SOX5: variants seen among roughly 807,000 people sequenced by gnomAD.
The protein encoded by SOX5 is SRY-box transcription factor 5.
SOX5 carries 9 observed loss-of-function variants against 92.0 expected under a neutral mutation model. The ratio of observed to expected loss-of-function variants is 0.10; its 90% CI spans 0.06 to 0.17. The LOEUF (loss-of-function observed/expected upper bound fraction) is 0.17, where lower values mean the gene tolerates loss of function less well. SOX5 is among the 10% of genes least tolerant of loss of function. The pLI is 1.00. For missense variants in SOX5, 642 were observed against 944.5 expected (o/e 0.68, Z 4.20); for synonymous variants, 344 against 336.3 (o/e 1.02, Z -0.25).
At chr12:23,741,521 C>G in intron 4 of SOX5, among the ~76,000 whole-genome samples, 1 of 151,976 alleles carries the variant, frequency 6.6e-6, no homozygotes. Flanking sequence ...ACACAAAAAA[C>G]TAATAGCCAG....
rs114562450 is a variant in SOX5 at position 24,313,569 on chromosome 12, T to G, written c.-173-36257A>C. On this transcript the variant is annotated intron_variant, in intron 2 of 4. Transcript: ENST00000446891. ...AAAAGTTGCTGCTTCTTCCTCAGTG[T>G]TCTGGCAGGACTTTGTTCAAGGTCT... is the stretch of plus-strand genomic sequence containing the variant. Among the ~76,000 whole-genome samples, 194 of 152,288 alleles carry G rather than the reference T, an allele frequency of 1.3e-3. 1 individual carries two copies. The highest frequency in any genetic ancestry group is 4.6e-3 in the African/African-American group (190 of 41,558).
chr12:23,562,394 C>T lies in SOX5; in HGVS notation c.1488+864G>A, dbSNP rs1428967509. Among the ~76,000 whole-genome samples, 3 of 152,158 alleles carry T rather than the reference C, an allele frequency of 2.0e-5. No homozygotes were observed. The East Asian group carries it at 5.8e-4, about 29-fold the overall frequency. ...AAACCTTGGAAACTAGAAAGCTATC[C>T]AAATTAGCAATCTGCTCATTCTGGA... is the stretch of plus-strand genomic sequence containing the variant. On this transcript the variant is annotated intron_variant, in intron 11 of 14. Transcript: ENST00000451604.
Position 23,940,483 on chromosome 12 carries a change from G to A in SOX5, c.38+9081C>T, listed in dbSNP as rs559340137. Among the ~76,000 whole-genome samples, 5 of 151,246 alleles carry A rather than the reference G, an allele frequency of 3.3e-5. No homozygotes were observed. The South Asian group carries it at 8.3e-4, about 25-fold the overall frequency. On this transcript the variant is annotated intron_variant, in intron 1 of 14. Coordinates refer to ENST00000451604, the MANE Select transcript of SOX5 (RefSeq NM_006940.6). ...ACTAGAGTTAGGAGCTAGGGACACT[G>A]CAAATGTAGTTCAAAGTAATGAAAT... is the stretch of plus-strand genomic sequence containing the variant.
intron 1 of SOX5, among the ~76,000 whole-genome samples, chr12:24,412,271 G>C (rs1210838213): frequency 1.3e-5 from 2 of 151,744 alleles, no homozygotes; most frequent in Non-Finnish European, 2.9e-5. Context: ...TTATTTTTCT[G>C]TTTTCAATTT....
At chr12:23,537,778 A>G (rs1045172230) in intron 13 of SOX5, among the ~76,000 whole-genome samples, 2 of 151,462 alleles carry the variant, frequency 1.3e-5, no homozygotes, top group Non-Finnish European at 2.9e-5. Flanking sequence ...AGAAGTGGTA[A>G]TGTGTCCGGA....
intron 3 of SOX5, among the ~76,000 whole-genome samples, chr12:23,776,956 T>C (rs990507721): frequency 3.3e-5 from 5 of 152,132 alleles, no homozygotes; most frequent in African/African-American, 1.2e-4. Flanking sequence ...TCAATTTCTA[T>C]CCATTTTCCT....
At chr12:24,114,091 G>A (rs1947693686) in intron 4 of SOX5, among the ~76,000 whole-genome samples, 1 of 152,136 alleles carries the variant, frequency 6.6e-6, no homozygotes, top group African/African-American at 2.4e-5. Flanking sequence ...AGTGAGGTCT[G>A]CCCATTGATA....
At chr12:23,986,358 A>AC (rs1950061028) in intron 4 of SOX5, among the ~76,000 whole-genome samples, 2 of 152,276 alleles carry the variant, frequency 1.3e-5, no homozygotes, top group South Asian at 4.1e-4. Flanking sequence ...AAACAAACAA[A>AC]AAAAAACTAT....
intron 2 of SOX5, among the ~76,000 whole-genome samples, chr12:24,340,965 T>C (rs1195601261): frequency 6.6e-6 from 1 of 152,220 alleles, no homozygotes; most frequent in Non-Finnish European, 1.5e-5. Flanking sequence ...TAATGTACTC[T>C]GTGCGTCTAG....
intron 2 of SOX5, among the ~76,000 whole-genome samples, chr12:24,327,523 GTCC>G (rs1565913433): frequency 6.8e-6 from 1 of 147,792 alleles, no homozygotes; most frequent in Non-Finnish European, 1.5e-5. Context: ...TCAAGCAATT[GTCC>G]TACCTCAGCC....
At chr12:23,689,217 G>A (rs531625001) in intron 6 of SOX5, among the ~76,000 whole-genome samples, 11 of 151,952 alleles carry the variant, frequency 7.2e-5, no homozygotes, top group African/African-American at 2.2e-4. Flanking sequence ...ATTATCCTAC[G>A]GGTATAGTTA....
intron 1 of SOX5, among the ~76,000 whole-genome samples, chr12:23,910,822 T>C (rs2097343477): frequency 6.6e-6 from 1 of 152,130 alleles, no homozygotes; most frequent in South Asian, 2.1e-4. Flanking sequence ...ACCTGTGTAT[T>C]TTTCTATTCA....
intron 3 of SOX5, among the ~76,000 whole-genome samples, chr12:24,218,391 G>T (rs963810925): frequency 6.6e-6 from 1 of 152,122 alleles, no homozygotes; most frequent in Non-Finnish European, 1.5e-5. Context: ...ACCATATATT[G>T]TATAATTCTA....
In SOX5 at chr12:23,895,832, A is replaced by G; in HGVS notation, c.231T>C (p.Thr77=). The G allele has an allele frequency of 1.2e-6, 2 of 1,614,004 alleles. No homozygotes were observed. The highest frequency in any genetic ancestry group is 1.1e-5 in the South Asian group (1 of 91,088). The change falls in exon 2 of 15, where the codon ACT becomes ACC. Residue 77 remains threonine (T), a synonymous_variant. Transcript: ENST00000451604. ...FQPVSLLTQE[T]CGHRTPTSQH... Reference sequence around the variant, plus strand: ...GAGAAGTGGGAGTCCTATGGCCACAAGTCTCTTGCGTCAGCAGAGAAACTG... The same window carrying G: ...GAGAAGTGGGAGTCCTATGGCCACAGGTCTCTTGCGTCAGCAGAGAAACTG...
chr12:23,677,323 C>T (rs1028824892), intron 6 of SOX5, among the ~76,000 whole-genome samples: 5 of 152,088 alleles, frequency 3.3e-5, no homozygotes, highest in South Asian at 2.1e-4. Flanking sequence ...ACTGCATTTA[C>T]GTGTTCTTTA....
intron 1 of SOX5, among the ~76,000 whole-genome samples, chr12:23,903,876 T>G: frequency 6.6e-6 from 1 of 152,204 alleles, no homozygotes; most frequent in Non-Finnish European, 1.5e-5. Flanking sequence ...TTATCCAATA[T>G]GGCAATTCAA....
chr12:23,966,241 A>AAAAAAAAAAAAAAGG (rs1569302878), intron 4 of SOX5, among the ~76,000 whole-genome samples: 1 of 129,216 alleles, frequency 7.7e-6, no homozygotes, highest in Non-Finnish European at 1.6e-5. Context: ...AAAAAAAAAA[A>AAAAAAAAAAAAAAGG]GCTGTTTGGG....
intron 7 of SOX5, among the ~76,000 whole-genome samples, chr12:23,656,997 C>A (rs1331818385): frequency 1.3e-5 from 2 of 151,960 alleles, no homozygotes; most frequent in Admixed American, 6.6e-5. Context: ...TATGAGCTGA[C>A]TATAGAGACA....
chr12:23,858,361 C>G (rs1039374689), intron 2 of SOX5, among the ~76,000 whole-genome samples: 3 of 151,982 alleles, frequency 2.0e-5, no homozygotes, highest in African/African-American at 7.2e-5. Context: ...AACAAACAGC[C>G]CTATTTAAAA....
Sources: allele counts gnomAD v4.1 joint callset (sites outside exome capture counted in the v4.1 genomes callset), GRCh38; gene constraint gnomAD v4.1.1; transcripts MANE v1.5; gene names NCBI Gene and HGNC (gene_info 2026-07-23, HGNC 2026-07-21).